FBXW11: variants seen among roughly 807,000 people sequenced by gnomAD.
FBXW11 encodes the protein F-box and WD repeat domain containing 11.
A neutral mutation model predicts 77.6 loss-of-function variants in FBXW11; 19 were observed. The observed-to-expected ratio is 0.24, with a 90% CI of 0.17 to 0.36. The LOEUF is 0.36. Ranked by LOEUF, FBXW11 falls within the 10% of genes least tolerant of loss-of-function variation. FBXW11 has a pLI of 1.00. For missense variants in FBXW11, 334 were observed against 704.2 expected (o/e 0.47, Z 5.95); for synonymous variants, 235 against 249.4 (o/e 0.94, Z 0.54).
chr5:171,927,028 A>G (rs1216966798), intron 2 of FBXW11, among the ~76,000 whole-genome samples: 2 of 152,298 alleles, frequency 1.3e-5, no homozygotes, highest in East Asian at 3.9e-4. Context: ...ACAAAAAAAA[A>G]TCCATTCTAG....
chr5:171,989,545 A>G (rs1379154697), intron 1 of FBXW11, among the ~76,000 whole-genome samples: 1 of 152,280 alleles, frequency 6.6e-6, no homozygotes, highest in African/African-American at 2.4e-5. Context: ...GAGCTAGAGA[A>G]ACCAGTTAAA....
chr5:171,889,270 G>A (rs548202625), intron 7 of FBXW11, among the ~76,000 whole-genome samples: 18 of 152,300 alleles, frequency 1.2e-4, no homozygotes, highest in African/African-American at 4.3e-4. Context: ...GCTCACGCCT[G>A]TAATCTCAGC....
intron 2 of FBXW11, among the ~76,000 whole-genome samples, chr5:171,946,559 G>T (rs1026530347): frequency 1.3e-5 from 2 of 151,918 alleles, no homozygotes; most frequent in African/African-American, 4.8e-5. Flanking sequence ...TAGCCTTCTG[G>T]CTATTTTAAC....
chr5:171,878,954 A>C (rs908471865), intron 7 of FBXW11, among the ~76,000 whole-genome samples: 5 of 152,226 alleles, frequency 3.3e-5, no homozygotes, highest in Non-Finnish European at 7.3e-5. Context: ...TAAAAGTCTC[A>C]AAGTAAACTA....
At chr5:171,982,515 C>A (rs1417489191) in intron 1 of FBXW11, among the ~76,000 whole-genome samples, 1 of 152,062 alleles carries the variant, frequency 6.6e-6, no homozygotes, top group East Asian at 1.9e-4. Context: ...CTCAGGCAAT[C>A]CACTCCTAAA....
At chr5:172,004,506 T>C (rs1257458606) in intron 1 of FBXW11, among the ~76,000 whole-genome samples, 1 of 152,186 alleles carries the variant, frequency 6.6e-6, no homozygotes, top group East Asian at 1.9e-4. Flanking sequence ...CAAAGGTTTT[T>C]ATTTTTTTAT....
At chr5:171,922,861 G>A (rs1761669113) in intron 2 of FBXW11, among the ~76,000 whole-genome samples, 1 of 152,106 alleles carries the variant, frequency 6.6e-6, no homozygotes, top group South Asian at 2.1e-4. Flanking sequence ...GAATGAATGT[G>A]GACGAATGTT....
chr5:171,905,436 G>A (rs1309917960), intron 4 of FBXW11, among the ~76,000 whole-genome samples: 1 of 152,154 alleles, frequency 6.6e-6, no homozygotes, highest in African/African-American at 2.4e-5. Context: ...TAAAGAGCTA[G>A]GTAAATAAGA....
Position 171,868,592 on chromosome 5 carries a change from G to C in FBXW11, c.*25+18C>G. 6.4e-7 allele frequency: 1 copy of C among 1,566,736 alleles called. No homozygotes were observed. Among genetic ancestry groups the C allele is most frequent in the Non-Finnish European group, 8.6e-7 (1 of 1,156,312 alleles). Reference sequence around the variant, plus strand: ...GAATTCAATCAGCAAAATTGGAAGGGGAGAGGATAGTACTCACCTGAAACG... The same window carrying C: ...GAATTCAATCAGCAAAATTGGAAGGCGAGAGGATAGTACTCACCTGAAACG... On this transcript the variant is annotated intron_variant, in intron 13 of 13. Coordinates refer to ENST00000517395, the MANE Select transcript of FBXW11 (RefSeq NM_001378974.1).
At chr5:171,946,569 C>T (rs2113220510) in intron 2 of FBXW11, among the ~76,000 whole-genome samples, 1 of 152,266 alleles carries the variant, frequency 6.6e-6, no homozygotes, top group East Asian at 1.9e-4. Context: ...GCTATTTTAA[C>T]ATGCCACAAA....
At chr5:171,892,026 G>A (rs1759382471) in intron 6 of FBXW11, among the ~76,000 whole-genome samples, 1 of 152,224 alleles carries the variant, frequency 6.6e-6, no homozygotes, top group African/African-American at 2.4e-5. Flanking sequence ...ACTGAGGAAA[G>A]ATAGTGAGCA....
At position 171,862,466 on chromosome 5, in the gene FBXW11, C is replaced by T. The variant is rs766020752; in HGVS notation, c.*1661G>A. ...CCTTTAGTAGTAGAGTGTGCTTCCA[C>T]GGGAAGAGGTTTACTTTATAGGAGG... is the stretch of plus-strand genomic sequence containing the variant. On this transcript the variant is annotated 3_prime_UTR_variant, in exon 14 of 14. Transcript: ENST00000517395. 2.6e-5 allele frequency: 4 copies of T among 152,546 alleles called. No individual in the cohort carries two copies. Among genetic ancestry groups the T allele is most frequent in the East Asian group, 1.9e-4 (1 of 5,192 alleles). The allele number at this position is 152,546 out of a possible 1,614,324, so 9.4% of individuals were successfully genotyped here. A position where few individuals can be genotyped will look rare whatever the true frequency, so the allele number is the denominator to read the frequency against.
At chr5:171,908,855 G>A (rs749400100) in intron 4 of FBXW11, 2 of 152,144 alleles carry the variant, frequency 1.3e-5, no homozygotes, top group Admixed American at 6.6e-5. Flanking sequence ...CTTAGAACAC[G>A]GAGTCCTGAT....
chr5:171,903,672 A>G (rs949738114), intron 4 of FBXW11, among the ~76,000 whole-genome samples: 3 of 152,044 alleles, frequency 2.0e-5, no homozygotes, highest in African/African-American at 4.8e-5. Context: ...TAATTACAGC[A>G]TCTCACTCTG....
chr5:171,992,259 C>T (rs923598838), intron 1 of FBXW11, among the ~76,000 whole-genome samples: 1 of 151,802 alleles, frequency 6.6e-6, no homozygotes, highest in Non-Finnish European at 1.5e-5. Flanking sequence ...GAAACCCCGT[C>T]TCTACTAAAA....
At chr5:171,959,571 G>A (rs1763787451) in intron 1 of FBXW11, among the ~76,000 whole-genome samples, 1 of 152,052 alleles carries the variant, frequency 6.6e-6, no homozygotes, top group Non-Finnish European at 1.5e-5. Context: ...ACACAGACCA[G>A]GAATGGTGGC....
chr5:172,002,121 A>C (rs1057423624), intron 1 of FBXW11, among the ~76,000 whole-genome samples: 5 of 152,220 alleles, frequency 3.3e-5, no homozygotes, highest in African/African-American at 1.2e-4. Context: ...CTTACAGGGC[A>C]GATAATTTTG....
intron 1 of FBXW11, among the ~76,000 whole-genome samples, chr5:171,986,439 G>A (rs1400352376): frequency 1.3e-5 from 2 of 149,894 alleles, no homozygotes; most frequent in Admixed American, 6.7e-5. Context: ...AAATCCGTGT[G>A]GACCAGGCCA....
intron 4 of FBXW11, 54 bp from the exon 5 acceptor site, chr5:171,900,154 G>C: frequency 7.0e-7 from 1 of 1,428,020 alleles, no homozygotes. Context: ...AAAGGTACCA[G>C]CCATCATTTC....
Sources: allele counts gnomAD v4.1 joint callset (sites outside exome capture counted in the v4.1 genomes callset), GRCh38; gene constraint gnomAD v4.1.1; transcripts MANE v1.5; gene names NCBI Gene and HGNC (gene_info 2026-07-23, HGNC 2026-07-21).